Variants in SLC25A21 observed in about 807,000 individuals in gnomAD.
The protein encoded by SLC25A21 is solute carrier family 25 member 21, also known as mitochondrial 2-oxodicarboxylate carrier.
In SLC25A21, 47 loss-of-function variants were observed where a neutral mutation model predicts 43.8. The ratio of observed to expected loss-of-function variants is 1.07; its 90% confidence interval spans 0.85 to 1.37. SLC25A21 has a LOEUF of 1.37. Ranked by LOEUF, SLC25A21 falls within the 40% of genes most tolerant of loss-of-function variation. The pLI, the probability that SLC25A21 is intolerant of heterozygous loss-of-function variation, is 0.00. For synonymous variants in SLC25A21, 131 were observed against 121.3 expected, an observed-to-expected ratio of 1.08 and a Z score of -0.52; for missense variants, 352 against 350.2, an observed-to-expected ratio of 1.00 and a Z score of -0.04.
At chr14:36,891,544 T>C (rs1369329159) in intron 1 of SLC25A21, among the ~76,000 whole-genome samples, 1 of 152,166 alleles carries the variant, frequency 6.6e-6, no homozygotes, top group Non-Finnish European at 1.5e-5. Context: ...TACACTAAAG[T>C]ATATATAGGC....
intron 2 of SLC25A21, among the ~76,000 whole-genome samples, chr14:36,829,752 C>T (rs994266131): frequency 2.6e-5 from 4 of 152,174 alleles, no homozygotes; most frequent in South Asian, 2.1e-4. Flanking sequence ...ATCACGCAAA[C>T]GTGCTACCAA....
intron 1 of SLC25A21, among the ~76,000 whole-genome samples, chr14:37,021,444 G>T (rs888868359): frequency 2.0e-5 from 3 of 151,874 alleles, no homozygotes; most frequent in Middle Eastern, 3.2e-3. Flanking sequence ...AAAGACAATT[G>T]CTCTGATCAA....
At chr14:36,778,874 T>C (rs1441147960) in intron 3 of SLC25A21, among the ~76,000 whole-genome samples, 1 of 152,198 alleles carries the variant, frequency 6.6e-6, no homozygotes, top group Non-Finnish European at 1.5e-5. Context: ...ATTTCAAGTA[T>C]GCCATACATT....
Position 37,042,265 on chromosome 14 carries a change from A to G in SLC25A21, c.70+130016T>C, listed in dbSNP as rs1029187900. On this transcript the variant is annotated intron_variant, in intron 1 of 9. Transcript: ENST00000331299. Reference sequence around the variant, plus strand: ...AGGACATAGCAAACTTTCTATTTGGACTTCCAAGAACAGCAAAAATATTGA... The same window carrying G: ...AGGACATAGCAAACTTTCTATTTGGGCTTCCAAGAACAGCAAAAATATTGA... 2.0e-5 allele frequency among the ~76,000 whole-genome samples: 3 copies of G among 152,198 alleles called. No individual in the cohort carries two copies. In the East Asian group the frequency reaches 5.8e-4, roughly 29 times the overall value.
chr14:36,897,033 C>A (rs1327462756), intron 1 of SLC25A21, among the ~76,000 whole-genome samples: 1 of 152,042 alleles, frequency 6.6e-6, no homozygotes, highest in Non-Finnish European at 1.5e-5. Flanking sequence ...CTGCTCTTCT[C>A]GAGGATTATT....
At chr14:36,848,026 C>A (rs1889601133) in intron 2 of SLC25A21, among the ~76,000 whole-genome samples, 1 of 152,054 alleles carries the variant, frequency 6.6e-6, no homozygotes, top group African/African-American at 2.4e-5. Context: ...TTTGGGAAAC[C>A]CCGAATGGCG....
intron 1 of SLC25A21, among the ~76,000 whole-genome samples, chr14:36,931,736 CATGGAGTTAGA>C (rs1892298781): frequency 1.2e-4 from 2 of 17,050 alleles, no homozygotes; most frequent in Admixed American, 7.5e-4. Context: ...ATTCAAAAGA[CATGGAGTTAGA>C]ACATGGAGTT....
At chr14:37,132,908 T>C (rs1224115756) in intron 1 of SLC25A21, among the ~76,000 whole-genome samples, 1 of 151,972 alleles carries the variant, frequency 6.6e-6, no homozygotes, top group African/African-American at 2.4e-5. Flanking sequence ...TTTTTGTATT[T>C]TTTTAGAGAT....
At chr14:36,755,963 CAT>C (rs1215940088) in intron 3 of SLC25A21, among the ~76,000 whole-genome samples, 2 of 152,192 alleles carry the variant, frequency 1.3e-5, no homozygotes, top group Admixed American at 6.5e-5. Context: ...CATCCAGCCA[CAT>C]GTTTCTCTAT....
At position 37,161,386 on chromosome 14, in the gene SLC25A21, G is replaced by T. The variant is rs115426818; in HGVS notation, c.70+10895C>A. Reference sequence around the variant, plus strand: ...ACTGAGTGAGGAACTTTTCAGAAAGGTTGACCATGAAAAGAGGAACACAGG... The same window carrying T: ...ACTGAGTGAGGAACTTTTCAGAAAGTTTGACCATGAAAAGAGGAACACAGG... On this transcript the variant is annotated intron_variant, in intron 1 of 9. Coordinates refer to ENST00000331299, the MANE Select transcript of SLC25A21 (RefSeq NM_030631.4). Among the ~76,000 whole-genome samples, 836 of 152,214 alleles carry T rather than the reference G, an allele frequency of 5.5e-3. 9 individuals carry two copies. Among genetic ancestry groups the T allele is most frequent in the African/African-American group, 0.02 (812 of 41,516 alleles).
intron 7 of SLC25A21, among the ~76,000 whole-genome samples, chr14:36,705,077 TCTCA>T (rs1004701795): frequency 1.1e-4 from 16 of 152,118 alleles, no homozygotes; most frequent in African/African-American, 3.9e-4. Flanking sequence ...TTGAGACGGA[TCTCA>T]CTCTGTCGCC....
chr14:37,148,280 A>G (rs1221881953), intron 1 of SLC25A21, among the ~76,000 whole-genome samples: 2 of 152,218 alleles, frequency 1.3e-5, no homozygotes, highest in Non-Finnish European at 2.9e-5. Context: ...AAAGTAAAAG[A>G]TGTCCTTGAG....
chr14:37,031,045 C>T (rs17106020), intron 1 of SLC25A21, among the ~76,000 whole-genome samples: 8,299 of 152,268 alleles, frequency 0.055, 746 homozygotes, highest in African/African-American at 0.19. Context: ...CACTCCTTTG[C>T]CTTCTACCTC....
intron 3 of SLC25A21, among the ~76,000 whole-genome samples, chr14:36,767,159 T>G (rs1340765459): frequency 6.6e-6 from 1 of 152,214 alleles, no homozygotes; most frequent in African/African-American, 2.4e-5. Flanking sequence ...CTAGCAGACT[T>G]AAAACTCCTA....
chr14:36,845,031 G>A (rs1187191653), intron 2 of SLC25A21, among the ~76,000 whole-genome samples: 2 of 152,184 alleles, frequency 1.3e-5, no homozygotes, highest in African/African-American at 4.8e-5. Context: ...ATTAGGTGAT[G>A]GCATGCTTTG....
intron 1 of SLC25A21, among the ~76,000 whole-genome samples, chr14:37,137,056 A>T (rs1376866283): frequency 6.6e-6 from 1 of 152,174 alleles, no homozygotes; most frequent in East Asian, 1.9e-4. Context: ...GCTGGGGTGC[A>T]GTGGCGCAAT....
At chr14:37,151,897 G>A (rs2138935289) in intron 1 of SLC25A21, among the ~76,000 whole-genome samples, 1 of 152,180 alleles carries the variant, frequency 6.6e-6, no homozygotes, top group South Asian at 2.1e-4. Context: ...TAGCTGGGCA[G>A]GGTGGCATGT....
At chr14:36,900,960 A>G (rs1891382397) in intron 1 of SLC25A21, among the ~76,000 whole-genome samples, 1 of 152,182 alleles carries the variant, frequency 6.6e-6, no homozygotes, top group Non-Finnish European at 1.5e-5. Flanking sequence ...CTTGCATAAA[A>G]GTGTATCCCA....
At chr14:36,902,725 AGT>A (rs1271508196) in intron 1 of SLC25A21, among the ~76,000 whole-genome samples, 2 of 152,184 alleles carry the variant, frequency 1.3e-5, no homozygotes, top group African/African-American at 2.4e-5. Context: ...GGCGGGGCAC[AGT>A]GGCTCATGCC....
Sources: allele counts gnomAD v4.1 joint callset (sites outside exome capture counted in the v4.1 genomes callset), GRCh38; gene constraint gnomAD v4.1.1; transcripts MANE v1.5; gene names NCBI Gene and HGNC (gene_info 2026-07-23, HGNC 2026-07-21).